Variants in SPAG6 observed in about 807,000 individuals in gnomAD.
The protein encoded by SPAG6 is sperm-associated antigen 6.
A neutral mutation model predicts 58.5 loss-of-function variants in SPAG6; 49 were observed. The observed-to-expected ratio is 0.84, with a 90% CI of 0.67 to 1.06. The LOEUF is 1.06. SPAG6 is among the 50% of genes least tolerant of loss of function. SPAG6 has a pLI of 0.00. For missense variants in SPAG6, 560 were observed against 611.3 expected (o/e 0.92, Z 0.89); for synonymous variants, 233 against 225.6 (o/e 1.03, Z -0.29).
chr10:22,392,016 T>G, intron 8 of SPAG6, 96 bp downstream of exon 8: 1 of 796,188 alleles, frequency 1.3e-6, no homozygotes, highest in Non-Finnish European at 2.0e-6. Flanking sequence ...TATTGTTTTA[T>G]GAGTCAAGAA....
At chr10:22,375,093 G>A (rs1833786123) in intron 4 of SPAG6, among the ~76,000 whole-genome samples, 1 of 152,200 alleles carries the variant, frequency 6.6e-6, no homozygotes, top group African/African-American at 2.4e-5. Flanking sequence ...TTTGTGTACT[G>A]GTGGTTTGGA....
intron 4 of SPAG6, among the ~76,000 whole-genome samples, chr10:22,385,738 A>G (rs1175091167): frequency 6.6e-6 from 1 of 152,202 alleles, no homozygotes; most frequent in Non-Finnish European, 1.5e-5. Context: ...CAAACACTGT[A>G]TTATCTTCAA....
intron 2 of SPAG6, among the ~76,000 whole-genome samples, chr10:22,357,022 T>G (rs549450395): frequency 3.9e-5 from 6 of 152,346 alleles, no homozygotes; most frequent in Admixed American, 3.9e-4. Flanking sequence ...TCTCCCTTCT[T>G]GCACTATAGT....
rs868205808 is a variant in SPAG6 at position 22,405,493 on chromosome 10, G to C, written c.1314+4216G>C. 8.0e-5 allele frequency among the ~76,000 whole-genome samples: 12 copies of C among 149,572 alleles called. No individual in the cohort carries two copies. In the South Asian group the frequency reaches 1.3e-3, roughly 16 times the overall value. ...TGCATCCCAGGGATGAAGCCCACTTGATCATGGTGGATAAGCTTTTTGATG... is the reference window on the plus strand; with the variant it reads ...TGCATCCCAGGGATGAAGCCCACTTCATCATGGTGGATAAGCTTTTTGATG... On this transcript the variant is annotated intron_variant, in intron 9 of 10. Transcript: ENST00000376624.
At chr10:22,405,730 A>C (rs1407017613) in intron 9 of SPAG6, among the ~76,000 whole-genome samples, 6 of 152,114 alleles carry the variant, frequency 3.9e-5, no homozygotes, top group African/African-American at 1.4e-4. Flanking sequence ...TCCTCCTTGT[A>C]CGTCTGGTAG....
chr10:22,386,653 C>T (rs1834069544), intron 4 of SPAG6, 101 bp from the exon 5 acceptor site: 4 of 851,972 alleles, frequency 4.7e-6, no homozygotes, highest in Non-Finnish European at 7.9e-6. Context: ...GAGTGAAGTA[C>T]ACCCTCCCCT....
At chr10:22,354,880 G>A (rs1164658625) in intron 2 of SPAG6, among the ~76,000 whole-genome samples, 1 of 151,936 alleles carries the variant, frequency 6.6e-6, no homozygotes, top group Non-Finnish European at 1.5e-5. Flanking sequence ...GTGGTGGCAG[G>A]CGCCTGTAAT....
chr10:22,379,515 T>G (rs899876151), intron 4 of SPAG6, among the ~76,000 whole-genome samples: 1 of 152,202 alleles, frequency 6.6e-6, no homozygotes, highest in Admixed American at 6.5e-5. Context: ...GAGCAGCCTA[T>G]GTAGAGGCCC....
intron 10 of SPAG6, among the ~76,000 whole-genome samples, chr10:22,415,643 A>G (rs1834850285): frequency 6.6e-6 from 1 of 152,194 alleles, no homozygotes; most frequent in African/African-American, 2.4e-5. Context: ...TTAGCTTGAT[A>G]AATTGTGGAA....
At chr10:22,400,165 C>G (rs1588555734) in intron 8 of SPAG6, among the ~76,000 whole-genome samples, 1 of 152,110 alleles carries the variant, frequency 6.6e-6, no homozygotes, top group Non-Finnish European at 1.5e-5. Flanking sequence ...TTCAAGAGCA[C>G]TGCAAAACAC....
rs535282858 is a variant in SPAG6, at chr10:22,379,919, C to T, written c.473-6835C>T. On this transcript the variant is annotated intron_variant, in intron 4 of 10. Coordinates refer to ENST00000376624, the MANE Select transcript of SPAG6 (RefSeq NM_012443.4). ...AAGCAATCCTCCCACTTCAGCCTCC[C>T]GAGTAGCTGAGACTACAGGCACGTG... Among the ~76,000 whole-genome samples, 9 of 152,220 alleles carry T rather than the reference C, an allele frequency of 5.9e-5. No individual in the cohort carries two copies. The East Asian group carries it at 7.7e-4, about 13-fold the overall frequency.
intron 8 of SPAG6, among the ~76,000 whole-genome samples, chr10:22,393,121 C>A (rs577831557): frequency 1.3e-5 from 2 of 152,074 alleles, no homozygotes; most frequent in Non-Finnish European, 2.9e-5. Flanking sequence ...CTATTCCTAG[C>A]TTTAAGTTGT....
At chr10:22,413,688 G>GATATATAT (rs59765652) in intron 10 of SPAG6, among the ~76,000 whole-genome samples, 7,625 of 141,550 alleles carry the variant, frequency 0.054, 704 homozygotes, top group African/African-American at 0.17. Context: ...TCAAATTTCT[G>GATATATAT]ATATATATAT....
chr10:22,407,931 G>A (rs1424840907), intron 9 of SPAG6, among the ~76,000 whole-genome samples: 1 of 147,672 alleles, frequency 6.8e-6, no homozygotes, highest in African/African-American at 2.6e-5. Context: ...TGATCGCATT[G>A]GCTCCTGAGG....
At chr10:22,360,555 G>A (rs1837005459) in intron 2 of SPAG6, among the ~76,000 whole-genome samples, 1 of 151,820 alleles carries the variant, frequency 6.6e-6, no homozygotes, top group Non-Finnish European at 1.5e-5. Context: ...ATGTGTATGG[G>A]AGCATTGTAT....
chr10:22,364,274 T>C (rs1051646513), intron 2 of SPAG6, among the ~76,000 whole-genome samples: 2 of 152,186 alleles, frequency 1.3e-5, no homozygotes, highest in Non-Finnish European at 1.5e-5. Flanking sequence ...AAAAAGTCCT[T>C]AGAACAGTGC....
At chr10:22,391,942 A>T (rs911728107) in intron 8 of SPAG6, 22 bp downstream of exon 8, 1 of 1,557,654 alleles carries the variant, frequency 6.4e-7, no homozygotes, top group Non-Finnish European at 8.8e-7. Flanking sequence ...ATTCTGTTTT[A>T]TGAAGATTTT....
chr10:22,381,156 A>C (rs1833945552), intron 4 of SPAG6, among the ~76,000 whole-genome samples: 1 of 152,130 alleles, frequency 6.6e-6, no homozygotes. Flanking sequence ...CATGACTTCA[A>C]AAATTAAAAG....
At chr10:22,346,855 G>T (rs538097942) in intron 2 of SPAG6, among the ~76,000 whole-genome samples, 1 of 152,126 alleles carries the variant, frequency 6.6e-6, no homozygotes, top group South Asian at 2.1e-4. Flanking sequence ...TCTTCTAAAC[G>T]CATTTTAGTT....
Sources: gnomAD v4.1 joint callset for allele counts (sites outside exome capture counted in the v4.1 genomes callset) on GRCh38, gnomAD v4.1.1 for gene constraint, MANE v1.5 for transcripts, NCBI Gene and HGNC (gene_info 2026-07-23, HGNC 2026-07-21) for gene names.